HIF3A: variants seen among roughly 807,000 people sequenced by gnomAD.
HIF3A encodes hypoxia inducible factor 3 subunit alpha.
HIF3A carries 41 observed loss-of-function variants against 67.2 expected under a neutral mutation model. The observed-to-expected ratio is 0.61, with a 90% CI of 0.48 to 0.79. The LOEUF is 0.79. HIF3A is among the 30% of genes least tolerant of loss of function. The pLI is 0.00. For synonymous variants in HIF3A, 356 were observed against 374.8 expected (o/e 0.95, Z 0.58); for missense variants, 855 against 898.0 (o/e 0.95, Z 0.61).
At position 46,298,318 on chromosome 19, in the gene HIF3A, G is replaced by A. The variant is rs1260939377; in HGVS notation, c.26+1216G>A. Reference sequence around the variant, plus strand: ...CAGCTGTCGTTCCGCCCCTCTCAGCGCCCCCTCCTGGCTGGGTGGGGGCCC... The same window carrying A: ...CAGCTGTCGTTCCGCCCCTCTCAGCACCCCCTCCTGGCTGGGTGGGGGCCC... On this transcript the variant is annotated intron_variant, in intron 1 of 14. Transcript: ENST00000377670. 1.3e-4 allele frequency: 144 copies of A among 1,089,764 alleles called. 1 individual carries two copies. In the South Asian group the frequency reaches 1.8e-3, roughly 14 times the overall value. The allele number at this position is 1,089,764 out of a possible 1,614,324, so 67.5% of individuals were successfully genotyped here. A position where few individuals can be genotyped will look rare whatever the true frequency, so the allele number is the denominator to read the frequency against.
intron 6 of HIF3A, among the ~76,000 whole-genome samples, chr19:46,311,480 C>T: frequency 6.6e-6 from 1 of 152,146 alleles, no homozygotes; most frequent in Non-Finnish European, 1.5e-5. Flanking sequence ...AGGCTGTGTT[C>T]CTTCTGGAGG....
chr19:46,334,784 T>G, intron 13 of HIF3A, 121 bp from the exon 14 acceptor site: 2 of 706,288 alleles, frequency 2.8e-6, no homozygotes, highest in East Asian at 5.5e-5. Flanking sequence ...TGGGCTTAAG[T>G]GATCCTCCCA....
intron 3 of HIF3A, among the ~76,000 whole-genome samples, chr19:46,306,167 T>C (rs1968832754): frequency 6.6e-6 from 1 of 152,016 alleles, no homozygotes; most frequent in Admixed American, 6.6e-5. Flanking sequence ...GCTAGAGAGG[T>C]CATCAGGGTA....
intron 1 of HIF3A, chr19:46,298,556 C>T: frequency 8.2e-7 from 1 of 1,224,816 alleles, no homozygotes. Context: ...TTCCCTTCCT[C>T]TAGCTGGGGC....
Position 46,309,377 on chromosome 19 carries a change from C to G in HIF3A, c.770+18C>G. Reference sequence around the variant, plus strand: ...GACGACAGGTGGGCAGGGGCCCCCTCTTCCGTCTGCCCAAGTTCAAGTGCT... The same window carrying G: ...GACGACAGGTGGGCAGGGGCCCCCTGTTCCGTCTGCCCAAGTTCAAGTGCT... On this transcript the variant is annotated intron_variant, in intron 6 of 14. Transcript: ENST00000377670. 6.4e-7 allele frequency: 1 copy of G among 1,559,518 alleles called. No homozygotes were observed. The highest frequency in any genetic ancestry group is 8.7e-7 in the Non-Finnish European group (1 of 1,149,186).
chr19:46,301,073 T>C (rs1208712056), intron 1 of HIF3A, among the ~76,000 whole-genome samples: 1 of 151,954 alleles, frequency 6.6e-6, no homozygotes, highest in Non-Finnish European at 1.5e-5. Flanking sequence ...GGACGGAATG[T>C]CCTCTCAGGC....
intron 2 of HIF3A, among the ~76,000 whole-genome samples, chr19:46,304,530 C>T (rs913527070): frequency 6.6e-6 from 1 of 152,128 alleles, no homozygotes; most frequent in East Asian, 1.9e-4. Context: ...TTCCCCACCC[C>T]TCTAGTTCTA....
rs1971922753 is a variant in HIF3A, at chr19:46,341,197, T to C, written c.*1575T>C. The C allele has an allele frequency of 6.9e-6, 1 of 145,558 alleles. No individual in the cohort carries two copies. 9.0% of individuals were successfully genotyped at this position (145,558 alleles called of 1,614,324 possible). On this transcript the variant is annotated 3_prime_UTR_variant, in exon 15 of 15. Transcript: ENST00000377670. ...CCAAATCCAGACCTCTTAATCTCTC[T>C]CTTTTTTTTTTTTTTTTTTTGAGAC...
At chr19:46,330,459 G>GTGGA (rs1235291294) in intron 12 of HIF3A, among the ~76,000 whole-genome samples, 1 of 152,094 alleles carries the variant, frequency 6.6e-6, no homozygotes, top group African/African-American at 2.4e-5. Flanking sequence ...AGGATAGATG[G>GTGGA]TGGATGGATG....
rs776199574 is a variant in HIF3A at position 46,312,464 on chromosome 19, G to T, written c.878-42G>T. On this transcript the variant is annotated intron_variant, in intron 7 of 14. Transcript: ENST00000377670. ...TCCCCAGATATTTCTCTCCCCATTT[G>T]CCCCCTTGGTGGCCCTGATCCCTCC... 3.7e-6 allele frequency: 6 copies of T among 1,606,078 alleles called. No individual in the cohort carries two copies. The South Asian group carries it at 6.6e-5, about 18-fold the overall frequency.
At chr19:46,308,884 C>G in intron 5 of HIF3A, 109 bp downstream of exon 5, 1 of 771,738 alleles carries the variant, frequency 1.3e-6, no homozygotes, top group Non-Finnish European at 2.1e-6. Context: ...GGGGACCCTG[C>G]GGGGCTCACT....
At chr19:46,327,940 T>A (rs560688748) in intron 11 of HIF3A, among the ~76,000 whole-genome samples, 1 of 152,338 alleles carries the variant, frequency 6.6e-6, no homozygotes, top group South Asian at 2.1e-4. Context: ...TGTAGCAATA[T>A]GTGGAGAGTA....
chr19:46,312,723 G>A (rs919649694), intron 8 of HIF3A, 70 bp downstream of exon 8: 31 of 1,506,884 alleles, frequency 2.1e-5, no homozygotes, highest in Non-Finnish European at 2.6e-5. Flanking sequence ...GTGTGTGTGT[G>A]TGTGTGTGTG....
In HIF3A at chr19:46,324,955, T is replaced by TACAC. The variant is rs1601324806; in HGVS notation, c.1336-579_1336-578insCACA. Among the ~76,000 whole-genome samples the TACAC allele has an allele frequency of 7.1e-5, 10 of 140,900 alleles. No homozygotes were observed. The East Asian group carries it at 8.4e-4, about 12-fold the overall frequency. 92.4% of individuals were successfully genotyped at this position (140,900 alleles called of 152,430 possible). On this transcript the variant is annotated intron_variant, in intron 10 of 14. Transcript: ENST00000377670. ...ACATATATATATACATATATATATATATACACATACACACACACACACACA... is the reference window on the plus strand; with the variant it reads ...ACATATATATATACATATATATATATACACATACACATACACACACACACACACA...
chr19:46,302,878 G>A lies in HIF3A; in HGVS notation c.27-1020G>A, dbSNP rs577501478. Reference sequence around the variant, plus strand: ...AACAGAGCGACAGCCTGTCTCAAAAGAAAAGAAAGAAAAGAAAAGAGAAAC... The same window carrying A: ...AACAGAGCGACAGCCTGTCTCAAAAAAAAAGAAAGAAAAGAAAAGAGAAAC... On this transcript the variant is annotated intron_variant, in intron 1 of 14. Coordinates refer to ENST00000377670, the MANE Select transcript of HIF3A (RefSeq NM_152795.4). Among the ~76,000 whole-genome samples, 33 of 152,272 alleles carry A rather than the reference G, an allele frequency of 2.2e-4. 1 individual carries two copies. In the East Asian group the frequency reaches 5.8e-3, roughly 27 times the overall value.
intron 10 of HIF3A, among the ~76,000 whole-genome samples, chr19:46,324,929 CACATATATATAT>C (rs1159738646): frequency 7.1e-6 from 1 of 140,436 alleles, no homozygotes; most frequent in Non-Finnish European, 1.5e-5. Context: ...TATATATATA[CACATATATATAT>C]ACATATATAT....
Position 46,297,047 on chromosome 19 carries a change from C to T in HIF3A, c.-30C>T, listed in dbSNP as rs1967904972. ...GGCCGGGGAGGGGGCTAGGGGCCTC[C>T]GAGGGCTCCGGAGCGGCGACTGGCG... On this transcript the variant is annotated 5_prime_UTR_variant, in exon 1 of 15. Transcript: ENST00000377670. This position sits in a 1 kb window ranked among gnomAD's most constrained non-coding sequence, Gnocchi z 4.5. 2 of 1,300,972 alleles carry T rather than the reference C, an allele frequency of 1.5e-6. No individual in the cohort carries two copies. The highest frequency in any genetic ancestry group is 9.9e-7 in the Non-Finnish European group (1 of 1,013,380). 80.6% of individuals were successfully genotyped at this position (1,300,972 alleles called of 1,614,324 possible).
At chr19:46,315,489 GT>G (rs1272624987) in intron 8 of HIF3A, among the ~76,000 whole-genome samples, 1 of 149,788 alleles carries the variant, frequency 6.7e-6, no homozygotes, top group Non-Finnish European at 1.5e-5. Context: ...CCAAGTTTGG[GT>G]GATTAGAAAA....
chr19:46,312,736 T>C (rs73940660), intron 8 of HIF3A, 83 bp downstream of exon 8: 116,739 of 1,499,528 alleles, frequency 0.078, 4,611 homozygotes, highest in African/African-American at 0.13. Flanking sequence ...TGTGTGTGTG[T>C]GCGTATGAGC....
Sources: allele counts gnomAD v4.1 joint callset (sites outside exome capture counted in the v4.1 genomes callset), GRCh38; gene constraint gnomAD v4.1.1; non-coding constraint Gnocchi (gnomAD v3.1); transcripts MANE v1.5; gene names NCBI Gene and HGNC (gene_info 2026-07-23, HGNC 2026-07-21).